CCSER1: variants seen among roughly 807,000 people sequenced by gnomAD.
The protein encoded by CCSER1 is coiled-coil serine rich protein 1, also known as serine-rich coiled-coil domain-containing protein 1.
Under a neutral mutation model 82.0 loss-of-function variants are expected in CCSER1, and 41 were observed. The observed-to-expected ratio is 0.50, with a 90% CI of 0.39 to 0.65. CCSER1 has a LOEUF of 0.65. CCSER1 is among the 30% of genes least tolerant of loss of function. CCSER1 has a pLI of 0.00. For missense variants in CCSER1, 1,119 were observed against 1,064.2 expected (o/e 1.05, Z -0.72); for synonymous variants, 414 against 383.9 (o/e 1.08, Z -0.92).
chr4:90,927,577 A>T (rs973090075), intron 9 of CCSER1, among the ~76,000 whole-genome samples: 2 of 151,992 alleles, frequency 1.3e-5, no homozygotes, highest in African/African-American at 4.8e-5. Context: ...ATTTTTTCAA[A>T]TATTTTAACA....
chr4:90,129,379 G>C (rs1452049189), intron 1 of CCSER1, among the ~76,000 whole-genome samples: 1 of 152,142 alleles, frequency 6.6e-6, no homozygotes. Context: ...TTCCAGATAC[G>C]TAACTTGAAA....
chr4:90,783,673 C>T (rs4423844), intron 7 of CCSER1, among the ~76,000 whole-genome samples: 89,041 of 151,456 alleles, frequency 0.59, 26,454 homozygotes, highest in African/African-American at 0.68. Flanking sequence ...AACACTTTAC[C>T]AGTCAAATAT....
chr4:90,270,806 A>G (rs1407863183), intron 1 of CCSER1, among the ~76,000 whole-genome samples: 1 of 152,158 alleles, frequency 6.6e-6, no homozygotes, highest in African/African-American at 2.4e-5. Context: ...AGGATACAAA[A>G]TCAATATATA....
chr4:91,279,231 A>G (rs1279273431), intron 10 of CCSER1, among the ~76,000 whole-genome samples: 1 of 152,102 alleles, frequency 6.6e-6, no homozygotes, highest in South Asian at 2.1e-4. Flanking sequence ...CAATTTGACT[A>G]TAATGTCTTG....
At chr4:90,794,922 G>A (rs1014977074) in intron 7 of CCSER1, among the ~76,000 whole-genome samples, 3 of 152,054 alleles carry the variant, frequency 2.0e-5, no homozygotes, top group African/African-American at 7.2e-5. Context: ...ATTTTTGTGT[G>A]TGTGTGGCAA....
chr4:90,864,255 C>T (rs1765463609), intron 8 of CCSER1, among the ~76,000 whole-genome samples: 1 of 151,774 alleles, frequency 6.6e-6, no homozygotes, highest in African/African-American at 2.4e-5. Flanking sequence ...TTTTATTCTG[C>T]AATGTTTGTC....
At chr4:90,461,592 A>AAC (rs1762938973) in intron 4 of CCSER1, among the ~76,000 whole-genome samples, 1 of 151,350 alleles carries the variant, frequency 6.6e-6, no homozygotes, top group African/African-American at 2.4e-5. Flanking sequence ...TCCATTTCTC[A>AAC]ATATATATAT....
chr4:91,467,176 G>A (rs1327675029), intron 10 of CCSER1, among the ~76,000 whole-genome samples: 1 of 152,116 alleles, frequency 6.6e-6, no homozygotes, highest in Non-Finnish European at 1.5e-5. Flanking sequence ...CAATGGAACA[G>A]AACAGAGCCC....
intron 5 of CCSER1, among the ~76,000 whole-genome samples, chr4:90,498,042 T>A (rs1769302261): frequency 6.6e-6 from 1 of 152,020 alleles, no homozygotes; most frequent in Non-Finnish European, 1.5e-5. Context: ...TTAATGTTTA[T>A]TTTGGTTCTA....
At chr4:91,158,620 CTGTG>C (rs145928017) in intron 10 of CCSER1, among the ~76,000 whole-genome samples, 10,122 of 148,558 alleles carry the variant, frequency 0.068, 694 homozygotes, top group African/African-American at 0.17. Context: ...CCCTCTCTTT[CTGTG>C]TGTGTGTGTG....
intron 10 of CCSER1, among the ~76,000 whole-genome samples, chr4:91,503,642 G>A (rs1759336571): frequency 1.2e-4 from 18 of 152,042 alleles, no homozygotes; most frequent in Admixed American, 1.2e-3. Context: ...TTACTCATAA[G>A]CCCGGAACAC....
intron 6 of CCSER1, among the ~76,000 whole-genome samples, chr4:90,692,130 G>T (rs1736123365): frequency 6.7e-6 from 1 of 149,592 alleles, no homozygotes; most frequent in East Asian, 2.0e-4. Flanking sequence ...ATTTATGAAG[G>T]TATTTCTCAT....
chr4:91,575,464 A>G (rs1160257328), intron 10 of CCSER1, among the ~76,000 whole-genome samples: 1 of 152,038 alleles, frequency 6.6e-6, no homozygotes, highest in Non-Finnish European at 1.5e-5. Context: ...CAAATCATAT[A>G]TCTAATAAGG....
intron 4 of CCSER1, among the ~76,000 whole-genome samples, chr4:90,444,255 C>CAG (rs368934140): frequency 3.1e-4 from 47 of 152,064 alleles, no homozygotes; most frequent in African/African-American, 1.1e-3. Context: ...GTACTATGGC[C>CAG]AGAGAGAGCA....
At chr4:91,102,211 A>T (rs920122021) in intron 10 of CCSER1, among the ~76,000 whole-genome samples, 4 of 152,210 alleles carry the variant, frequency 2.6e-5, no homozygotes, top group African/African-American at 9.6e-5. Context: ...CCCATGCAAT[A>T]AAAAAAGAAC....
At chr4:90,189,796 C>T (rs886900859) in intron 1 of CCSER1, among the ~76,000 whole-genome samples, 1 of 151,840 alleles carries the variant, frequency 6.6e-6, no homozygotes, top group Non-Finnish European at 1.5e-5. Context: ...CTGATATTTT[C>T]TTAACAGAAA....
intron 4 of CCSER1, among the ~76,000 whole-genome samples, chr4:90,462,020 GATGCA>G (rs1762988383): frequency 6.6e-6 from 1 of 151,536 alleles, no homozygotes; most frequent in Non-Finnish European, 1.5e-5. Flanking sequence ...TTACAGTCAT[GATGCA>G]ATGGCTTGTA....
intron 7 of CCSER1, among the ~76,000 whole-genome samples, chr4:90,772,786 T>C (rs569730325): frequency 7.2e-5 from 11 of 152,342 alleles, no homozygotes; most frequent in African/African-American, 2.6e-4. Context: ...ATATTATCTA[T>C]TATGTGTCTT....
rs144813643 is a variant in CCSER1, at chr4:91,233,221, G to A, written c.2217+147227G>A. Among the ~76,000 whole-genome samples, 1,337 of 151,948 alleles carry A rather than the reference G, an allele frequency of 8.8e-3. 28 individuals are homozygous for A. The highest frequency in any genetic ancestry group is 0.031 in the African/African-American group (1,294 of 41,540). ...TCCAAGCGACTAGAGTTCTGAAAGA[G>A]ATTAATTTTGTACTCACTTATTGAT... is the stretch of plus-strand genomic sequence containing the variant. On this transcript the variant is annotated intron_variant, in intron 10 of 10. Transcript: ENST00000509176.
Sources: gnomAD v4.1 joint callset for allele counts (sites outside exome capture counted in the v4.1 genomes callset) on GRCh38, gnomAD v4.1.1 for gene constraint, MANE v1.5 for transcripts, NCBI Gene and HGNC (gene_info 2026-07-23, HGNC 2026-07-21) for gene names.